The following RASGEF1C variants were observed in gnomAD, a reference collection of about 807,000 sequenced individuals.
RASGEF1C encodes the protein RasGEF domain family member 1C.
A neutral mutation model predicts 58.1 loss-of-function variants in RASGEF1C; 27 were observed. The observed-to-expected ratio is 0.46, with a 90% CI of 0.34 to 0.64. The LOEUF is 0.64. Among genes scored for constraint, RASGEF1C ranks in the 30% least tolerant of loss-of-function variants. The pLI is 0.01. For missense variants in RASGEF1C, 502 were observed against 605.1 expected, an observed-to-expected ratio of 0.83 and a Z score of 1.79; for synonymous variants, 243 against 246.3, an observed-to-expected ratio of 0.99 and a Z score of 0.13.
chr5:180,143,141 G>A lies in RASGEF1C; in HGVS notation c.-6-5083C>T, dbSNP rs1285605740. On this transcript the variant is annotated intron_variant, in intron 1 of 13. Transcript: ENST00000361132. The surrounding 1 kb of genome is among the most constrained non-coding windows in gnomAD (Gnocchi z 4.3). ...GCAGGCGAGGATTGTGTGGGGTCAG[G>A]TCTGCAGAGAGACAGGCAGACAGGG... is the stretch of plus-strand genomic sequence containing the variant. Among the ~76,000 whole-genome samples, 2 of 152,252 alleles carry A rather than the reference G, an allele frequency of 1.3e-5. No homozygotes were observed. Among genetic ancestry groups the A allele is most frequent in the East Asian group, 3.9e-4 (2 of 5,154 alleles).
chr5:180,190,924 T>C (rs375016930), intron 1 of RASGEF1C, among the ~76,000 whole-genome samples: 1 of 152,170 alleles, frequency 6.6e-6, no homozygotes, highest in African/African-American at 2.4e-5. Flanking sequence ...GATTACCTAT[T>C]TGATGAAAAG....
intron 1 of RASGEF1C, among the ~76,000 whole-genome samples, 194 bp downstream of exon 1, chr5:180,208,834 C>A (rs1756541555): frequency 6.6e-6 from 1 of 151,388 alleles, no homozygotes; most frequent in African/African-American, 2.4e-5. Flanking sequence ...GGGTACCCTA[C>A]CCGCTACCCC....
intron 1 of RASGEF1C, among the ~76,000 whole-genome samples, chr5:180,207,881 GT>G (rs1437725469): frequency 6.6e-6 from 1 of 152,196 alleles, no homozygotes; most frequent in Admixed American, 6.5e-5. Flanking sequence ...CCGCGCCCTG[GT>G]CTCCCTCTGC....
intron 11 of RASGEF1C, among the ~76,000 whole-genome samples, chr5:180,113,241 GAGGGACCGA>G (rs2113243994): frequency 9.7e-5 from 6 of 61,604 alleles, no homozygotes; most frequent in Middle Eastern, 0.01. Flanking sequence ...GGGATGGACG[GAGGGACCGA>G]GGATGGACGG....
intron 1 of RASGEF1C, among the ~76,000 whole-genome samples, chr5:180,175,859 G>A (rs997180021): frequency 1.3e-5 from 2 of 152,100 alleles, no homozygotes; most frequent in Non-Finnish European, 2.9e-5. Context: ...GCAGTGGCGG[G>A]CGCCTGTAGT....
intron 12 of RASGEF1C, among the ~76,000 whole-genome samples, chr5:180,104,399 C>T (rs997844800): frequency 6.6e-6 from 1 of 152,120 alleles, no homozygotes; most frequent in Non-Finnish European, 1.5e-5. Flanking sequence ...TTCTGCCATG[C>T]GAGGACACAG....
intron 1 of RASGEF1C, among the ~76,000 whole-genome samples, chr5:180,180,976 G>A (rs1314707027): frequency 1.3e-5 from 2 of 152,210 alleles, no homozygotes; most frequent in African/African-American, 2.4e-5. Context: ...CTAGAAATGG[G>A]AGGGATCACC....
At position 180,117,673 on chromosome 5, in the gene RASGEF1C, G is replaced by A. The variant is rs60610690; in HGVS notation, c.1083+936C>T. Among the ~76,000 whole-genome samples the A allele has an allele frequency of 7.2e-3, 1,098 of 152,252 alleles. 17 individuals are homozygous for A. The highest frequency in any genetic ancestry group is 0.025 in the African/African-American group (1,020 of 41,540). On this transcript the variant is annotated intron_variant, in intron 10 of 13. Transcript: ENST00000361132. ...AAAAATAAAATTGATCAGGTCCGCA[G>A]AGGCTCCACAAATGCAGGGATATAA...
Position 180,168,057 on chromosome 5 carries a change from T to C in RASGEF1C, c.-6-29999A>G, listed in dbSNP as rs1050705973. 2.6e-5 allele frequency among the ~76,000 whole-genome samples: 4 copies of C among 152,168 alleles called. No homozygotes were observed. The highest frequency in any genetic ancestry group is 9.7e-5 in the African/African-American group (4 of 41,420). On this transcript the variant is annotated intron_variant, in intron 1 of 13. Transcript: ENST00000361132. This position sits in a 1 kb window ranked among gnomAD's most constrained non-coding sequence, Gnocchi z 6.0. ...GTTGTCAAAGCCTATGATGGGTTAA[T>C]GCCATGCTCCTGCAGCTTAAGGATA...
At chr5:180,179,443 G>C (rs1476196034) in intron 1 of RASGEF1C, among the ~76,000 whole-genome samples, 1 of 152,094 alleles carries the variant, frequency 6.6e-6, no homozygotes, top group African/African-American at 2.4e-5. Context: ...AGCAGCCCAG[G>C]GAACCCATGG....
At chr5:180,138,085 C>T (rs1258531146) in intron 1 of RASGEF1C, 27 bp from the exon 2 acceptor site, 2 of 1,384,046 alleles carry the variant, frequency 1.4e-6, no homozygotes, top group Non-Finnish European at 1.9e-6. Flanking sequence ...CAGTGAGGAC[C>T]TGAGTGGGGG....
chr5:180,116,498 G>C (rs1766070314), intron 10 of RASGEF1C, among the ~76,000 whole-genome samples: 2 of 152,120 alleles, frequency 1.3e-5, no homozygotes, highest in Non-Finnish European at 2.9e-5. Context: ...AGCAGCTTTT[G>C]TGGGCCTAGC....
intron 1 of RASGEF1C, among the ~76,000 whole-genome samples, chr5:180,179,428 A>T (rs1456555956): frequency 2.0e-5 from 3 of 152,036 alleles, no homozygotes; most frequent in African/African-American, 7.2e-5. Context: ...GTGCACAGGG[A>T]GTGGAGCAGC....
intron 11 of RASGEF1C, among the ~76,000 whole-genome samples, chr5:180,113,839 G>A (rs1424785887): frequency 2.0e-5 from 3 of 152,012 alleles, no homozygotes; most frequent in Non-Finnish European, 4.4e-5. Context: ...TGGAGGGACC[G>A]AGGATGGATG....
intron 1 of RASGEF1C, 99 bp from the exon 2 acceptor site, chr5:180,138,157 G>A (rs932754191): frequency 5.7e-6 from 4 of 700,036 alleles, no homozygotes; most frequent in South Asian, 2.2e-5. Flanking sequence ...GGCTGGGCAG[G>A]CTCCCCCCAC....
rs1449317942 is a variant in RASGEF1C, at chr5:180,197,106, T to C, written c.-7+11922A>G. 1.3e-5 allele frequency among the ~76,000 whole-genome samples: 2 copies of C among 152,198 alleles called. No individual in the cohort carries two copies. The highest frequency in any genetic ancestry group is 3.9e-4 in the East Asian group (2 of 5,186). Reference sequence around the variant, plus strand: ...CAGGCGCCTGTGGCCAGCCTGCCTCTGATGAGCCTCCTTGGTCCCTCTGCA... The same window carrying C: ...CAGGCGCCTGTGGCCAGCCTGCCTCCGATGAGCCTCCTTGGTCCCTCTGCA... On this transcript the variant is annotated intron_variant, in intron 1 of 13. Transcript: ENST00000361132. This position sits in a 1 kb window ranked among gnomAD's most constrained non-coding sequence, Gnocchi z 4.7.
At chr5:180,134,368 G>A (rs1766429944) in intron 4 of RASGEF1C, among the ~76,000 whole-genome samples, 1 of 151,958 alleles carries the variant, frequency 6.6e-6, no homozygotes, top group South Asian at 2.1e-4. Context: ...AGTTTCCCGA[G>A]GGGAACCAGG....
At chr5:180,159,956 G>A (rs541306431) in intron 1 of RASGEF1C, among the ~76,000 whole-genome samples, 8 of 152,228 alleles carry the variant, frequency 5.3e-5, no homozygotes, top group African/African-American at 9.6e-5. Flanking sequence ...GCCAAGCTTC[G>A]AGCACATTGT....
Position 180,143,720 on chromosome 5 carries a change from T to G in RASGEF1C, c.-6-5662A>C, listed in dbSNP as rs905448417. Among the ~76,000 whole-genome samples, 6 of 152,116 alleles carry G rather than the reference T, an allele frequency of 3.9e-5. No homozygotes were observed. Among genetic ancestry groups the G allele is most frequent in the African/African-American group, 1.4e-4 (6 of 41,402 alleles). ...GCCACTGATGGGGCCACACAGTGAGTTAAAGCACAGTTAGAAATGACATCT... is the reference window on the plus strand; with the variant it reads ...GCCACTGATGGGGCCACACAGTGAGGTAAAGCACAGTTAGAAATGACATCT... On this transcript the variant is annotated intron_variant, in intron 1 of 13. Transcript: ENST00000361132. This position sits in a 1 kb window ranked among gnomAD's most constrained non-coding sequence, Gnocchi z 4.3.
Sources: gnomAD v4.1 joint callset for allele counts (sites outside exome capture counted in the v4.1 genomes callset) on GRCh38, gnomAD v4.1.1 for gene constraint, Gnocchi (gnomAD v3.1) non-coding constraint, MANE v1.5 for transcripts, NCBI Gene and HGNC (gene_info 2026-07-23, HGNC 2026-07-21) for gene names.